NMD3: variants seen among roughly 807,000 people sequenced by gnomAD.
The protein encoded by NMD3 is 60S ribosomal export protein NMD3.
In NMD3, 47 loss-of-function variants were observed where a neutral mutation model predicts 73.1. The observed-to-expected ratio is 0.64, with a 90% CI of 0.51 to 0.82. The LOEUF (loss-of-function observed/expected upper bound fraction) is 0.82. NMD3 is among the 40% of genes least tolerant of loss of function. The pLI is 0.00. For synonymous variants in NMD3, 210 were observed against 194.5 expected (o/e 1.08, Z -0.66); for missense variants, 554 against 612.5 (o/e 0.90, Z 1.01).
rs1175725442 is a variant in NMD3, at chr3:161,246,395, T to G, written c.1077T>G (p.Tyr359Ter). ...CTGAAATGAATACAGATAAACAGTATTTTTGTCGTACTCATTTGGGACATC... is the reference window on the plus strand; with the variant it reads ...CTGAAATGAATACAGATAAACAGTAGTTTTGTCGTACTCATTTGGGACATC... The part of the protein sequence containing the change: ...KTSEMNTDKQ[Y>*]FCRTHLGHLL... The change falls in exon 12 of 16, where the codon TAT (tyrosine) becomes TAG (stop). Residue 359 changes from tyrosine to a stop codon, truncating the protein, a stop_gained. Transcript: ENST00000351193. LOFTEE classifies it high-confidence loss of function. 1.3e-6 allele frequency: 2 copies of G among 1,531,004 alleles called. No homozygotes were observed. The highest frequency in any genetic ancestry group is 8.9e-7 in the Non-Finnish European group (1 of 1,122,280). The allele number at this position is 1,531,004 out of a possible 1,614,324, so 94.8% of individuals were successfully genotyped here.
At chr3:161,221,174 C>A (rs1314204069), upstream of NMD3, 3 of 152,224 alleles carry the variant, frequency 2.0e-5, no homozygotes, top group African/African-American at 7.2e-5. Flanking sequence ...GACTTCTCTC[C>A]GCGAGCTTTC....
At position 161,221,992 on chromosome 3, in the gene NMD3, A is replaced by G; in HGVS notation, c.-20-2A>G. On this transcript the variant is annotated splice_acceptor_variant, in intron 1 of 15. Coordinates refer to ENST00000351193, the MANE Select transcript of NMD3 (RefSeq NM_015938.5). LOFTEE classifies it low-confidence loss of function (5UTR_SPLICE). ...TTTTTTTTTTTTTTTTTTTTTTAAAAGAACTTAAGGCATACAGAACGATGG... is the reference window on the plus strand; with the variant it reads ...TTTTTTTTTTTTTTTTTTTTTTAAAGGAACTTAAGGCATACAGAACGATGG... 7.8e-7 allele frequency: 1 copy of G among 1,289,734 alleles called. No individual in the cohort carries two copies. The highest frequency in any genetic ancestry group is 1.1e-6 in the Non-Finnish European group (1 of 950,220). The allele number at this position is 1,289,734 out of a possible 1,614,324, so 79.9% of individuals were successfully genotyped here.
intron 5 of NMD3, among the ~76,000 whole-genome samples, 185 bp from the exon 6 acceptor site, chr3:161,234,542 A>G (rs1301973880): frequency 6.6e-6 from 1 of 151,900 alleles, no homozygotes; most frequent in African/African-American, 2.4e-5. Context: ...TAGGAATTAA[A>G]TCTGTATACC....
Position 161,250,987 on chromosome 3 carries a change from G to T in NMD3, c.*77G>T. 2 of 1,205,422 alleles carry T rather than the reference G, an allele frequency of 1.7e-6. No homozygotes were observed. The highest frequency in any genetic ancestry group is 2.5e-5 in the East Asian group (1 of 40,536). 74.7% of individuals were successfully genotyped at this position (1,205,422 alleles called of 1,614,324 possible). On this transcript the variant is annotated 3_prime_UTR_variant, in exon 16 of 16. Coordinates refer to ENST00000351193, the MANE Select transcript of NMD3 (RefSeq NM_015938.5). ...TACCTTAAGTGTCTCTACTATCTTTGCCTCCAGATTTCAAGAGGAGAAATT... is the reference window on the plus strand; with the variant it reads ...TACCTTAAGTGTCTCTACTATCTTTTCCTCCAGATTTCAAGAGGAGAAATT...
Position 161,249,488 on chromosome 3 carries a change from G to A in NMD3, c.1238G>A (p.Arg413His), listed in dbSNP as rs760279626. 36 of 1,611,984 alleles carry A rather than the reference G, an allele frequency of 2.2e-5. No individual in the cohort carries two copies. The highest frequency in any genetic ancestry group is 4.0e-5 in the African/African-American group (3 of 74,698). The change falls in exon 14 of 16, where the codon CGT becomes CAT. Residue 413 changes from arginine to histidine, a missense_variant. Physicochemically the swap from Arg to His is conservative, Grantham distance 29 (BLOSUM62 0). Transcript: ENST00000351193. ...AAGAAGAGCTATGACCGGACCAAAC[G>A]TCAGCGTCGTAGAAACTGGAAATTG... ...LIKKSYDRTK[R>H]QRRRNWKLKE...
intron 2 of NMD3, chr3:161,223,035 C>T (rs1424180345): frequency 6.6e-6 from 1 of 152,164 alleles, no homozygotes; most frequent in African/African-American, 2.4e-5. Context: ...GGCTCAAAGC[C>T]CTTCACAGAA....
Position 161,250,834 on chromosome 3 carries a change from G to T in NMD3, c.1436G>T (p.Ser479Ile), listed in dbSNP as rs1352688219. Residue 479 changes from serine to isoleucine, a missense_variant, in exon 16 of 16, where the codon AGT (serine) becomes ATT (isoleucine). Transcript: ENST00000351193. ...GATGATGAAGGAGCACCTCGAATTA[G>T]TCTGGCTGAGATGCTTGAAGACCTT... ...DTDDEGAPRI[S>I]LAEMLEDLHI... is the part of the protein sequence containing the mutation. 6.2e-7 allele frequency: 1 copy of T among 1,612,028 alleles called. No homozygotes were observed. Among genetic ancestry groups the T allele is most frequent in the East Asian group, 2.2e-5 (1 of 44,844 alleles).
intron 4 of NMD3, among the ~76,000 whole-genome samples, chr3:161,228,526 T>C (rs1224519185): frequency 6.6e-6 from 1 of 152,192 alleles, no homozygotes; most frequent in Non-Finnish European, 1.5e-5. Context: ...TCTGAAGATT[T>C]TGATAATAGG....
At chr3:161,234,177 G>T (rs183669879) in intron 5 of NMD3, among the ~76,000 whole-genome samples, 2 of 151,880 alleles carry the variant, frequency 1.3e-5, no homozygotes, top group African/African-American at 4.8e-5. Flanking sequence ...ATGTAAACAT[G>T]TATAGGCTGG....
At chr3:161,246,221 T>G (rs1044445416) in intron 11 of NMD3, 115 bp from the exon 12 acceptor site, 1 of 417,972 alleles carries the variant, frequency 2.4e-6, no homozygotes, top group East Asian at 3.5e-5. Flanking sequence ...ATACAAAAAA[T>G]TTTCTGTCTT....
At chr3:161,233,550 A>C in intron 5 of NMD3, 71 bp downstream of exon 5, 3 of 898,652 alleles carry the variant, frequency 3.3e-6, no homozygotes, top group Non-Finnish European at 5.3e-6. Context: ...GTGATAAGTT[A>C]TTTTATGGCT....
In NMD3 at chr3:161,250,832, T is replaced by G. The variant is rs1309003723; in HGVS notation, c.1434T>G (p.Ile478Met). 6.2e-7 allele frequency: 1 copy of G among 1,611,956 alleles called. No individual in the cohort carries two copies. The highest frequency in any genetic ancestry group is 8.5e-7 in the Non-Finnish European group (1 of 1,178,158). ...SDTDDEGAPR[I>M]SLAEMLEDLH... Reference sequence around the variant, plus strand: ...CCGATGATGAAGGAGCACCTCGAATTAGTCTGGCTGAGATGCTTGAAGACC... The same window carrying G: ...CCGATGATGAAGGAGCACCTCGAATGAGTCTGGCTGAGATGCTTGAAGACC... The change falls in exon 16 of 16, where the codon ATT becomes ATG. Residue 478 changes from isoleucine to methionine, a missense_variant. Transcript: ENST00000351193.
chr3:161,238,078 A>T, intron 7 of NMD3, 35 bp from the exon 8 acceptor site: 1 of 1,421,064 alleles, frequency 7.0e-7, no homozygotes, highest in Non-Finnish European at 9.6e-7. Context: ...TATTTTGCAT[A>T]ATTATTTTCA....
intron 7 of NMD3, among the ~76,000 whole-genome samples, chr3:161,237,538 CTTTT>C (rs71628447): frequency 4.6e-5 from 5 of 108,814 alleles, no homozygotes; most frequent in African/African-American, 7.3e-5. Flanking sequence ...AAATAACTTT[CTTTT>C]TTTTTTTTTT....
At chr3:161,234,990 AT>A in intron 6 of NMD3, 131 bp from the exon 7 acceptor site, 1 of 955,084 alleles carries the variant, frequency 1.0e-6, no homozygotes, top group Non-Finnish European at 1.6e-6. Flanking sequence ...TCATTATTAC[AT>A]TTTAGATAAT....
intron 6 of NMD3, 86 bp downstream of exon 6, chr3:161,234,941 A>G (rs1269111605): frequency 7.2e-7 from 1 of 1,389,630 alleles, no homozygotes; most frequent in East Asian, 2.3e-5. Context: ...AAATCCAGGG[A>G]TAGTCTGGGT....
rs551961167 is a variant in NMD3 at position 161,224,953 on chromosome 3, C to T, written c.68C>T (p.Pro23Leu). 41 of 1,612,006 alleles carry T rather than the reference C, an allele frequency of 2.5e-5. 1 individual carries two copies. The South Asian group carries it at 3.2e-4, about 13-fold the overall frequency. Residue 23 changes from proline to leucine, a missense_variant, in exon 3 of 16, where the codon CCG (proline) becomes CTG (leucine). By Grantham distance (98) the Pro-to-Leu change is moderately conservative. Coordinates refer to ENST00000351193, the MANE Select transcript of NMD3 (RefSeq NM_015938.5). ...GHILCCECGV[P>L]ISPNPANICV... Reference sequence around the variant, plus strand: ...AGCTTGTGCTGTGAGTGTGGTGTTCCGATAAGTCCAAATCCTGCCAATATT... The same window carrying T: ...AGCTTGTGCTGTGAGTGTGGTGTTCTGATAAGTCCAAATCCTGCCAATATT...
chr3:161,228,914 A>G (rs1041336165), intron 4 of NMD3, among the ~76,000 whole-genome samples: 4 of 152,116 alleles, frequency 2.6e-5, no homozygotes, highest in African/African-American at 9.7e-5. Flanking sequence ...TGTGCATGGA[A>G]GAGTTGAAAT....
chr3:161,240,854 G>A (rs1343702814), intron 9 of NMD3, among the ~76,000 whole-genome samples, 192 bp from the exon 10 acceptor site: 1 of 150,494 alleles, frequency 6.6e-6, no homozygotes, highest in Admixed American at 6.6e-5. Flanking sequence ...TTTTTTTAAA[G>A]CATTTTTATT....
Sources: allele counts gnomAD v4.1 joint callset (sites outside exome capture counted in the v4.1 genomes callset), GRCh38; gene constraint gnomAD v4.1.1; transcripts MANE v1.5; gene names NCBI Gene and HGNC (gene_info 2026-07-23, HGNC 2026-07-21).